The following CFAP299 variants were observed in gnomAD, a reference collection of about 807,000 sequenced individuals.
CFAP299 encodes cilia and flagella associated protein 299.
CFAP299 carries 21 observed loss-of-function variants against 27.0 expected under a neutral mutation model. The observed-to-expected ratio is 0.78, with a 90% CI of 0.55 to 1.12. The LOEUF (loss-of-function observed/expected upper bound fraction) is 1.12. CFAP299 is among the 50% of genes most tolerant of loss of function. The probability of loss-of-function intolerance (pLI) is 0.00; values close to 1 mark genes in which losing one functional copy is unlikely to be tolerated. For synonymous variants in CFAP299, 104 were observed against 98.1 expected (o/e 1.06, Z -0.36); for missense variants, 310 against 276.6 (o/e 1.12, Z -0.86).
At chr4:80,940,301 G>A (rs1319047261) in intron 4 of CFAP299, among the ~76,000 whole-genome samples, 1 of 152,118 alleles carries the variant, frequency 6.6e-6, no homozygotes, top group East Asian at 1.9e-4. Context: ...TCAGTAATCT[G>A]GGAGTGGGAA....
intron 3 of CFAP299, among the ~76,000 whole-genome samples, chr4:80,847,953 C>T (rs947878333): frequency 1.3e-5 from 2 of 152,010 alleles, no homozygotes; most frequent in East Asian, 1.9e-4. Flanking sequence ...CTCATGCCTG[C>T]AATACCAGCA....
chr4:80,426,885 T>G (rs1190464393), intron 2 of CFAP299, among the ~76,000 whole-genome samples: 1 of 152,220 alleles, frequency 6.6e-6, no homozygotes, highest in African/African-American at 2.4e-5. Flanking sequence ...AAAAAACTTT[T>G]TGTGTGTGAG....
At chr4:80,572,684 A>AT (rs1303522463) in intron 2 of CFAP299, among the ~76,000 whole-genome samples, 2 of 150,938 alleles carry the variant, frequency 1.3e-5, no homozygotes, top group Admixed American at 6.6e-5. Context: ...CGCTTGGCTA[A>AT]TTTTTTTTAT....
chr4:80,529,218 C>T (rs923903227), intron 2 of CFAP299, among the ~76,000 whole-genome samples: 3 of 152,140 alleles, frequency 2.0e-5, no homozygotes, highest in African/African-American at 7.2e-5. Context: ...TCTCTTACAT[C>T]CAGTCCTTTC....
At chr4:80,897,777 C>T (rs936898931) in intron 4 of CFAP299, among the ~76,000 whole-genome samples, 9 of 152,198 alleles carry the variant, frequency 5.9e-5, no homozygotes, top group African/African-American at 1.2e-4. Context: ...TTTCCTTATG[C>T]CCTGTGTCTT....
chr4:80,782,869 G>T (rs995895523), intron 3 of CFAP299, among the ~76,000 whole-genome samples: 2 of 150,974 alleles, frequency 1.3e-5, no homozygotes, highest in Non-Finnish European at 2.9e-5. Context: ...CCATATCCCA[G>T]TTCCTAAAAT....
intron 3 of CFAP299, among the ~76,000 whole-genome samples, chr4:80,692,681 A>C (rs1399757228): frequency 6.6e-5 from 10 of 152,188 alleles, no homozygotes; most frequent in Non-Finnish European, 8.8e-5. Flanking sequence ...GCAACCAAAG[A>C]CAAAATTGAC....
At chr4:80,671,887 G>A (rs914374624) in intron 3 of CFAP299, among the ~76,000 whole-genome samples, 5 of 152,188 alleles carry the variant, frequency 3.3e-5, no homozygotes, top group Non-Finnish European at 7.3e-5. Context: ...AGCTTAAGGA[G>A]ATTTTGGACT....
chr4:80,622,664 TATC>T (rs1380471446), intron 3 of CFAP299, among the ~76,000 whole-genome samples: 1 of 152,128 alleles, frequency 6.6e-6, no homozygotes, highest in African/African-American at 2.4e-5. Flanking sequence ...CATCAAATAA[TATC>T]AGTGAAAGAT....
At chr4:80,710,723 A>T (rs1005071940) in intron 3 of CFAP299, among the ~76,000 whole-genome samples, 1 of 151,980 alleles carries the variant, frequency 6.6e-6, no homozygotes, top group Non-Finnish European at 1.5e-5. Flanking sequence ...CCCTGACAGC[A>T]TTTGAGCTTG....
intron 3 of CFAP299, among the ~76,000 whole-genome samples, chr4:80,636,035 T>C (rs904116757): frequency 6.6e-6 from 1 of 152,198 alleles, no homozygotes; most frequent in African/African-American, 2.4e-5. Flanking sequence ...GGATTTCTCC[T>C]CAGTTAATAG....
intron 3 of CFAP299, among the ~76,000 whole-genome samples, chr4:80,703,725 T>A (rs530626269): frequency 6.6e-6 from 1 of 151,802 alleles, no homozygotes; most frequent in South Asian, 2.1e-4. Flanking sequence ...ATTCTTCCCC[T>A]GAAAGTACAC....
intron 3 of CFAP299, among the ~76,000 whole-genome samples, chr4:80,868,314 T>G (rs1732867486): frequency 6.6e-6 from 1 of 152,222 alleles, no homozygotes. Context: ...GCAGAATTTC[T>G]TTGAGCAATG....
chr4:80,633,041 TTC>T (rs1342939341), intron 3 of CFAP299, among the ~76,000 whole-genome samples: 1 of 152,250 alleles, frequency 6.6e-6, no homozygotes, highest in Non-Finnish European at 1.5e-5. Context: ...GTTTATTTTC[TTC>T]TCTTTAAAAT....
chr4:80,342,201 C>T (rs1722492050), intron 1 of CFAP299, among the ~76,000 whole-genome samples: 1 of 152,030 alleles, frequency 6.6e-6, no homozygotes, highest in Non-Finnish European at 1.5e-5. Context: ...GATTGGGGTA[C>T]CTGAAAGAAA....
chr4:80,484,813 A>G (rs944651620), intron 2 of CFAP299, among the ~76,000 whole-genome samples: 6 of 152,172 alleles, frequency 3.9e-5, no homozygotes, highest in African/African-American at 1.4e-4. Context: ...AATTTTTTAT[A>G]GTTGTGATAG....
In CFAP299 at chr4:80,565,222, G is replaced by A. The variant is rs543984923; in HGVS notation, c.243-17871G>A. ...AAGCAGTATTTTTCGTAGCAAATAA[G>A]GGAAAACAACCCAATGACTATCAGC... On this transcript the variant is annotated intron_variant, in intron 2 of 5. Transcript: ENST00000358105. Among the ~76,000 whole-genome samples, 9 of 152,040 alleles carry A rather than the reference G, an allele frequency of 5.9e-5. No homozygotes were observed. The East Asian group carries it at 9.7e-4, about 16-fold the overall frequency.
intron 3 of CFAP299, among the ~76,000 whole-genome samples, chr4:80,767,147 C>CAAAATACAT (rs1491414570): frequency 6.6e-6 from 1 of 151,806 alleles, no homozygotes; most frequent in East Asian, 1.9e-4. Context: ...ATGTATTTTC[C>CAAAATACAT]TCTATGTACA....
At chr4:80,429,435 C>G (rs563436789) in intron 2 of CFAP299, among the ~76,000 whole-genome samples, 1 of 152,222 alleles carries the variant, frequency 6.6e-6, no homozygotes, top group South Asian at 2.1e-4. Context: ...AAATGTTTCT[C>G]CTTTAACTTC....
Sources: gnomAD v4.1 joint callset for allele counts (sites outside exome capture counted in the v4.1 genomes callset) on GRCh38, gnomAD v4.1.1 for gene constraint, MANE v1.5 for transcripts, NCBI Gene and HGNC (gene_info 2026-07-23, HGNC 2026-07-21) for gene names.